Variants in ARHGAP24 observed in about 807,000 individuals in gnomAD.
ARHGAP24 encodes rho GTPase-activating protein 24.
Under a neutral mutation model 76.4 loss-of-function variants are expected in ARHGAP24, and 50 were observed. The ratio of observed to expected loss-of-function variants is 0.65; its 90% CI spans 0.52 to 0.83. The LOEUF (loss-of-function observed/expected upper bound fraction) is 0.83, where lower values mean the gene tolerates loss of function less well. Ranked by LOEUF, ARHGAP24 falls within the 40% of genes least tolerant of loss-of-function variation. The pLI, the probability that ARHGAP24 is intolerant of heterozygous loss-of-function variation, is 0.00. For missense variants in ARHGAP24, 930 were observed against 914.2 expected (o/e 1.02, Z -0.22); for synonymous variants, 345 against 323.3 (o/e 1.07, Z -0.72).
At chr4:85,495,117 GT>G (rs1487032742) in intron 1 of ARHGAP24, among the ~76,000 whole-genome samples, 6 of 147,186 alleles carry the variant, frequency 4.1e-5, no homozygotes, top group African/African-American at 1.5e-4. Context: ...AAAAAAAAGA[GT>G]GACCTGAGCC....
At chr4:85,850,391 A>C (rs1262860352) in intron 3 of ARHGAP24, among the ~76,000 whole-genome samples, 3 of 152,062 alleles carry the variant, frequency 2.0e-5, no homozygotes, top group Admixed American at 2.0e-4. Context: ...GATCTTTTCA[A>C]AAAACCAGTT....
chr4:85,646,950 A>G (rs10454245), intron 2 of ARHGAP24, among the ~76,000 whole-genome samples: 45,266 of 152,036 alleles, frequency 0.3, 8,154 homozygotes, highest in East Asian at 0.84. Context: ...CCATATACAT[A>G]TTCATAACTT....
intron 2 of ARHGAP24, among the ~76,000 whole-genome samples, chr4:85,707,933 T>C (rs1002370777): frequency 1.2e-4 from 19 of 152,088 alleles, no homozygotes; most frequent in African/African-American, 4.6e-4. Context: ...GATAGGCTTC[T>C]TTTTTTCCGA....
chr4:85,837,129 A>G (rs17011069), intron 3 of ARHGAP24, among the ~76,000 whole-genome samples: 16,997 of 152,258 alleles, frequency 0.11, 1,430 homozygotes, highest in East Asian at 0.29. Context: ...GTTGATGACT[A>G]TTTATTCCCT....
At chr4:85,823,484 C>T (rs1386497355) in intron 3 of ARHGAP24, among the ~76,000 whole-genome samples, 1 of 152,154 alleles carries the variant, frequency 6.6e-6, no homozygotes, top group East Asian at 1.9e-4. Context: ...TTGGTGGCAA[C>T]AGGAGCACCA....
At chr4:85,963,423 T>A (rs1738378355) in intron 5 of ARHGAP24, among the ~76,000 whole-genome samples, 2 of 152,218 alleles carry the variant, frequency 1.3e-5, no homozygotes, top group South Asian at 2.1e-4. Flanking sequence ...TGACAGCACT[T>A]AAGGTTTTAA....
In ARHGAP24 at chr4:85,869,748, T is replaced by C. The variant is rs184849351; in HGVS notation, c.269-53900T>C. On this transcript the variant is annotated intron_variant, in intron 3 of 9. Transcript: ENST00000395184. ...TTAAAGGCACTGATTATATTGAACA[T>C]GTGTGTTAACTCTGTTTTCTGAAGC... is the stretch of plus-strand genomic sequence containing the variant. Among the ~76,000 whole-genome samples the C allele has an allele frequency of 8.1e-4, 123 of 152,328 alleles. 1 individual carries two copies. Among genetic ancestry groups the C allele is most frequent in the Admixed American group, 6.9e-3 (106 of 15,288 alleles).
Position 86,000,820 on chromosome 4 carries a change from C to G in ARHGAP24, c.*98C>G. The G allele has an allele frequency of 2.6e-6, 4 of 1,545,376 alleles. No homozygotes were observed. The highest frequency in any genetic ancestry group is 3.5e-6 in the Non-Finnish European group (4 of 1,127,632). ...CCAGGTGGCTGGTCACCTGGATGTA[C>G]AGAAGTCTAACTGGTGAAGGAATAT... On this transcript the variant is annotated 3_prime_UTR_variant, in exon 10 of 10. Transcript: ENST00000395184.
intron 3 of ARHGAP24, among the ~76,000 whole-genome samples, chr4:85,732,907 A>G (rs1443685234): frequency 4.6e-5 from 7 of 150,620 alleles, no homozygotes; most frequent in African/African-American, 9.8e-5. Flanking sequence ...CATGTTGATC[A>G]GGTTGGTCTC....
At chr4:85,752,703 T>A (rs898706836) in intron 3 of ARHGAP24, among the ~76,000 whole-genome samples, 33 of 152,190 alleles carry the variant, frequency 2.2e-4, no homozygotes, top group Admixed American at 3.9e-4. Flanking sequence ...ATTGCTTCAC[T>A]TCACTGAGCA....
intron 3 of ARHGAP24, among the ~76,000 whole-genome samples, chr4:85,896,092 A>G (rs1734164660): frequency 6.6e-6 from 1 of 152,182 alleles, no homozygotes; most frequent in African/African-American, 2.4e-5. Flanking sequence ...TCCTAAGTAA[A>G]CCCATATTTG....
intron 2 of ARHGAP24, among the ~76,000 whole-genome samples, chr4:85,588,881 T>C (rs28663637): frequency 0.013 from 1,941 of 152,338 alleles, 44 homozygotes; most frequent in African/African-American, 0.044. Context: ...ACTAAACCAC[T>C]CTTTCTGCTC....
chr4:85,837,886 A>T (rs7692726), intron 3 of ARHGAP24, among the ~76,000 whole-genome samples: 3,154 of 152,248 alleles, frequency 0.021, 102 homozygotes, highest in African/African-American at 0.065. Flanking sequence ...TATAGTTTAG[A>T]TTCCTCGATC....
intron 2 of ARHGAP24, among the ~76,000 whole-genome samples, chr4:85,611,527 A>T (rs1202533580): frequency 6.6e-6 from 1 of 152,174 alleles, no homozygotes; most frequent in Non-Finnish European, 1.5e-5. Flanking sequence ...TTTCTTTTTT[A>T]AAAAATTTTC....
chr4:85,823,773 G>A (rs943382591), intron 3 of ARHGAP24, among the ~76,000 whole-genome samples: 9 of 151,834 alleles, frequency 5.9e-5, no homozygotes, highest in African/African-American at 1.7e-4. Flanking sequence ...TTCCTTCTCC[G>A]GAGTTCACAA....
Position 86,000,865 on chromosome 4 carries a change from T to C in ARHGAP24, c.*143T>C. On this transcript the variant is annotated 3_prime_UTR_variant, in exon 10 of 10. Transcript: ENST00000395184. ...GAATATCATTTACAGACATTAAACA[T>C]CCATATCTGCAATGTGTACCAAAGT... 8.0e-7 allele frequency: 1 copy of C among 1,243,954 alleles called. No individual in the cohort carries two copies. Among genetic ancestry groups the C allele is most frequent in the Non-Finnish European group, 1.1e-6 (1 of 888,070 alleles). The allele number at this position is 1,243,954 out of a possible 1,614,324, so 77.1% of individuals were successfully genotyped here.
chr4:85,797,231 G>A (rs1423096960), intron 3 of ARHGAP24, among the ~76,000 whole-genome samples: 4 of 151,802 alleles, frequency 2.6e-5, no homozygotes, highest in Non-Finnish European at 4.4e-5. Context: ...GGAGTGCAGT[G>A]GCGCAATCTC....
chr4:85,906,739 G>A (rs1734786427), intron 3 of ARHGAP24, among the ~76,000 whole-genome samples: 1 of 152,000 alleles, frequency 6.6e-6, no homozygotes, highest in Non-Finnish European at 1.5e-5. Context: ...ATAAGTTTGG[G>A]CAGTGTAGTT....
At chr4:85,953,879 GT>G (rs2148834753) in intron 5 of ARHGAP24, among the ~76,000 whole-genome samples, 1 of 152,258 alleles carries the variant, frequency 6.6e-6, no homozygotes, top group South Asian at 2.1e-4. Context: ...AGAAGGTGCT[GT>G]AAGGAGACGT....
Sources: allele counts gnomAD v4.1 joint callset (sites outside exome capture counted in the v4.1 genomes callset), GRCh38; gene constraint gnomAD v4.1.1; transcripts MANE v1.5; gene names NCBI Gene and HGNC (gene_info 2026-07-23, HGNC 2026-07-21).